The following C1orf232 variants were observed in gnomAD, a reference collection of about 807,000 sequenced individuals.
The protein encoded by C1orf232 is uncharacterized protein C1orf232.
Under a neutral mutation model 12.1 loss-of-function variants are expected in C1orf232, and 10 were observed. The ratio of observed to expected loss-of-function variants is 0.82; its 90% CI spans 0.51 to 1.40. C1orf232 has a LOEUF of 1.40. C1orf232 is among the 40% of genes most tolerant of loss of function. C1orf232 has a pLI of 0.00. For synonymous variants in C1orf232, 36 were observed against 39.8 expected (o/e 0.90, Z 0.36); for missense variants, 88 against 98.4 (o/e 0.89, Z 0.45).
rs563320587 is a variant in C1orf232, at chr1:26,165,582, G to A, written c.266+244C>T. On this transcript the variant is annotated intron_variant, in intron 3 of 3. Coordinates refer to ENST00000634842, the MANE Select transcript of C1orf232 (RefSeq NM_001364669.2). ...GGCCCCTCCCAAGCGGATGGGTCGT[G>A]AGAGCCCATAAATACCTTCTAGCAC... is the stretch of plus-strand genomic sequence containing the variant. The A allele has an allele frequency of 3.2e-4, 182 of 566,496 alleles. 1 individual carries two copies. The highest frequency in any genetic ancestry group is 3.2e-3 in the African/African-American group (163 of 51,708). The allele number at this position is 566,496 out of a possible 1,614,324, so 35.1% of individuals were successfully genotyped here. A position where few individuals can be genotyped will look rare whatever the true frequency, so the allele number is the denominator to read the frequency against.
rs1467710510 is a variant in C1orf232, at chr1:26,164,882, G to A, written c.267-427C>T. 6.6e-6 allele frequency among the ~76,000 whole-genome samples: 1 copy of A among 152,134 alleles called. No individual in the cohort carries two copies. The highest frequency in any genetic ancestry group is 1.5e-5 in the Non-Finnish European group (1 of 68,028). ...AGATCCCCCCTGAGGGAAGCCCTGG[G>A]GAAAAGAGGCGGGGCACAGACAGGA... On this transcript the variant is annotated intron_variant, in intron 3 of 3. Coordinates refer to ENST00000634842, the MANE Select transcript of C1orf232 (RefSeq NM_001364669.2). This position sits in a 1 kb window ranked among gnomAD's most constrained non-coding sequence, Gnocchi z 4.2.
intron 3 of C1orf232, among the ~76,000 whole-genome samples, chr1:26,165,535 C>T (rs991109300): frequency 2.6e-5 from 4 of 152,142 alleles, no homozygotes; most frequent in Admixed American, 6.5e-5. Context: ...AGGTATTCTG[C>T]GTTCTTGGAT....
Position 26,165,825 on chromosome 1 carries a change from C to G in C1orf232, c.266+1G>C. On this transcript the variant is annotated splice_donor_variant, in intron 3 of 3. Coordinates refer to ENST00000634842, the MANE Select transcript of C1orf232 (RefSeq NM_001364669.2). LOFTEE classifies it high-confidence loss of function. Reference sequence around the variant, plus strand: ...ACCACCACAAACACACACGCACATACTGGTCAGCGCAAGGCTCTGATGGCA... The same window carrying G: ...ACCACCACAAACACACACGCACATAGTGGTCAGCGCAAGGCTCTGATGGCA... 8.1e-7 allele frequency: 1 copy of G among 1,231,884 alleles called. No homozygotes were observed. The highest frequency in any genetic ancestry group is 1.0e-6 in the Non-Finnish European group (1 of 988,022). The allele number at this position is 1,231,884 out of a possible 1,614,324, so 76.3% of individuals were successfully genotyped here.
chr1:26,167,577 G>A lies in C1orf232; in HGVS notation c.84+839C>T, dbSNP rs148893297. On this transcript the variant is annotated intron_variant, in intron 1 of 3. Transcript: ENST00000634842. ...TAACCTCAGGTGATCCACCCTCCGT[G>A]GCCTTCCAAAGTGCTAGTATTACAG... is the stretch of plus-strand genomic sequence containing the variant. 1.4e-3 allele frequency among the ~76,000 whole-genome samples: 217 copies of A among 152,240 alleles called. 1 individual carries two copies. The highest frequency in any genetic ancestry group is 4.7e-3 in the African/African-American group (197 of 41,560).
chr1:26,166,939 C>G (rs1206264660), intron 1 of C1orf232, among the ~76,000 whole-genome samples: 1 of 152,226 alleles, frequency 6.6e-6, no homozygotes, highest in Admixed American at 6.5e-5. Flanking sequence ...CTGCAAATGT[C>G]TACACAGAGG....
rs1039181725 is a variant in C1orf232, at chr1:26,168,317, C to G, written c.84+99G>C. ...GAATGTGGCATCTGCACAAATGTGG[C>G]CCCCCCACCTCCAAGCCTATCCTGT... On this transcript the variant is annotated intron_variant, in intron 1 of 3. Coordinates refer to ENST00000634842, the MANE Select transcript of C1orf232 (RefSeq NM_001364669.2). The G allele has an allele frequency of 4.8e-6, 4 of 831,640 alleles. No individual in the cohort carries two copies. In the South Asian group the frequency reaches 1.8e-4, roughly 38 times the overall value. The allele number at this position is 831,640 out of a possible 1,614,324, so 51.5% of individuals were successfully genotyped here.
chr1:26,165,720 C>T (rs2088418020), intron 3 of C1orf232, 106 bp downstream of exon 3: 5 of 1,231,384 alleles, frequency 4.1e-6, no homozygotes, highest in Non-Finnish European at 5.1e-6. Context: ...ACTGCCCCTC[C>T]CCAGCCCTCA....
chr1:26,165,143 C>T (rs1406182937), intron 3 of C1orf232, among the ~76,000 whole-genome samples: 3 of 89,296 alleles, frequency 3.4e-5, no homozygotes, highest in Admixed American at 1.2e-4. Context: ...AACCTGGGGG[C>T]GGGAGAGGCT....
At position 26,164,579 on chromosome 1, in the gene C1orf232, A is replaced by G. The variant is rs2088404954; in HGVS notation, c.267-124T>C. 3.0e-6 allele frequency: 1 copy of G among 337,402 alleles called. No homozygotes were observed. The highest frequency in any genetic ancestry group is 1.5e-4 in the South Asian group (1 of 6,538). The allele number at this position is 337,402 out of a possible 1,614,324, so 20.9% of individuals were successfully genotyped here. A position where few individuals can be genotyped will look rare whatever the true frequency, so the allele number is the denominator to read the frequency against. On this transcript the variant is annotated intron_variant, in intron 3 of 3. Coordinates refer to ENST00000634842, the MANE Select transcript of C1orf232 (RefSeq NM_001364669.2). The surrounding 1 kb of genome is among the most constrained non-coding windows in gnomAD (Gnocchi z 4.2). Reference sequence around the variant, plus strand: ...GGCGGAGTCAGGGGCAGTGGTGAGGAGCGGGGTCAGGTGACCAGTGGGGGA... The same window carrying G: ...GGCGGAGTCAGGGGCAGTGGTGAGGGGCGGGGTCAGGTGACCAGTGGGGGA...
chr1:26,165,778 G>A, intron 3 of C1orf232, 48 bp downstream of exon 3: 1 of 1,231,796 alleles, frequency 8.1e-7, no homozygotes, highest in East Asian at 3.2e-5. Flanking sequence ...AGGCAGAAGG[G>A]GGACCTCAGG....
In C1orf232 at chr1:26,166,018, G is replaced by A. The variant is rs2088422228; in HGVS notation, c.168+17C>T. 3 of 1,231,638 alleles carry A rather than the reference G, an allele frequency of 2.4e-6. No individual in the cohort carries two copies. The highest frequency in any genetic ancestry group is 2.0e-6 in the Non-Finnish European group (2 of 988,002). 76.3% of individuals were successfully genotyped at this position (1,231,638 alleles called of 1,614,324 possible). On this transcript the variant is annotated intron_variant, in intron 2 of 3. Transcript: ENST00000634842. Reference sequence around the variant, plus strand: ...CAGGCTGCCCAGGGTTGGGGTGGAAGAAGGGAGAATACTCACCCGGCGGGC... The same window carrying A: ...CAGGCTGCCCAGGGTTGGGGTGGAAAAAGGGAGAATACTCACCCGGCGGGC...
chr1:26,164,284 G>T lies in C1orf232; in HGVS notation c.438C>A (p.Ala146=). Residue 146 remains alanine (A), a synonymous_variant, in exon 4 of 4, where the codon GCC becomes GCA. Transcript: ENST00000634842. The surrounding 1 kb of genome is among the most constrained non-coding windows in gnomAD (Gnocchi z 4.2). The part of the protein sequence containing the change: ...PEPDPEPADE[A]AEEAAERPES... The stretch of plus-strand genomic sequence containing the variant: ...CGGGGCGCTCTGCGGCCTCCTCCGC[G>T]GCCTCGTCCGCGGGTTCGGGGTCCG... The T allele has an allele frequency of 2.5e-6, 1 of 398,086 alleles. No individual in the cohort carries two copies. The highest frequency in any genetic ancestry group is 4.4e-6 in the Non-Finnish European group (1 of 225,716). 24.7% of individuals were successfully genotyped at this position (398,086 alleles called of 1,614,324 possible).
In C1orf232 at chr1:26,164,254, C is replaced by A. The variant is rs2088398760; in HGVS notation, c.468G>T (p.Ser156=). The change falls in exon 4 of 4, where the codon TCG becomes TCT. Residue 156 remains serine, a synonymous_variant. Transcript: ENST00000634842. The surrounding 1 kb of genome is among the most constrained non-coding windows in gnomAD (Gnocchi z 4.2). ...AAEEAAERPE[S]QEAEPVAGFK... ...AGCCGGCCACCGGCTCGGCCTCCTG[C>A]GACTCGGGGCGCTCTGCGGCCTCCT... 1 of 398,336 alleles carries A rather than the reference C, an allele frequency of 2.5e-6. No homozygotes were observed. The highest frequency in any genetic ancestry group is 2.1e-5 in the African/African-American group (1 of 48,628). 24.7% of individuals were successfully genotyped at this position (398,336 alleles called of 1,614,324 possible). A position where few individuals can be genotyped will look rare whatever the true frequency, so the allele number is the denominator to read the frequency against.
In C1orf232 at chr1:26,165,833, C is replaced by T. The variant is rs1204465205; in HGVS notation, c.259G>A (p.Ala87Thr). The change falls in exon 3 of 4, where the codon GCT becomes ACT. Residue 87 changes from alanine (A) to threonine (T), a missense_variant. Coordinates refer to ENST00000634842, the MANE Select transcript of C1orf232 (RefSeq NM_001364669.2). ...AAACACACACGCACATACTGGTCAG[C>T]GCAAGGCTCTGATGGCAGCAGCTTA... ...EDKLLPSEPC[A>T]DHPLAARPPS... 4.1e-6 allele frequency: 5 copies of T among 1,231,628 alleles called. No homozygotes were observed. In the African/African-American group the frequency reaches 4.7e-5, roughly 11 times the overall value. The allele number at this position is 1,231,628 out of a possible 1,614,324, so 76.3% of individuals were successfully genotyped here.
Position 26,164,346 on chromosome 1 carries a change from C to T in C1orf232, c.376G>A (p.Ala126Thr), listed in dbSNP as rs2088400936. The T allele has an allele frequency of 5.1e-6, 2 of 395,616 alleles. No homozygotes were observed. The highest frequency in any genetic ancestry group is 2.1e-5 in the African/African-American group (1 of 48,468). The allele number at this position is 395,616 out of a possible 1,614,324, so 24.5% of individuals were successfully genotyped here. A position where few individuals can be genotyped will look rare whatever the true frequency, so the allele number is the denominator to read the frequency against. ...GGCTCGGTGCCGCGCAGCATGGACG[C>T]CGCCGCGGCCTGCTGCTGCTGCCAC... ...SRWQQQQAAA[A>T]SMLRGTEPTP... Residue 126 changes from alanine (A) to threonine (T), a missense_variant, in exon 4 of 4, where the codon GCG becomes ACG. Transcript: ENST00000634842. The surrounding 1 kb of genome is among the most constrained non-coding windows in gnomAD (Gnocchi z 4.2).
Position 26,168,451 on chromosome 1 carries a change from G to A in C1orf232, c.49C>T (p.Leu17=), listed in dbSNP as rs2088449370. Residue 17 remains leucine, a synonymous_variant, in exon 1 of 4, where the codon CTG becomes TTG. Coordinates refer to ENST00000634842, the MANE Select transcript of C1orf232 (RefSeq NM_001364669.2). ...KTYKSKVLQT[L]SGESEEDLAE... ...AGGTCTTCTTCAGATTCCCCACTCAGGGTCTGTAGCACTTTGGACTTGTAG... is the reference window on the plus strand; with the variant it reads ...AGGTCTTCTTCAGATTCCCCACTCAAGGTCTGTAGCACTTTGGACTTGTAG... 3 of 1,231,934 alleles carry A rather than the reference G, an allele frequency of 2.4e-6. No individual in the cohort carries two copies. Among genetic ancestry groups the A allele is most frequent in the Non-Finnish European group, 3.0e-6 (3 of 988,098 alleles). 76.3% of individuals were successfully genotyped at this position (1,231,934 alleles called of 1,614,324 possible). A position where few individuals can be genotyped will look rare whatever the true frequency, so the allele number is the denominator to read the frequency against.
chr1:26,167,033 G>A (rs2088434932), intron 1 of C1orf232, among the ~76,000 whole-genome samples: 1 of 152,156 alleles, frequency 6.6e-6, no homozygotes, highest in South Asian at 2.1e-4. Flanking sequence ...GATCACACCA[G>A]TTACCCACTG....
In C1orf232 at chr1:26,168,507, G is replaced by C; in HGVS notation, c.-8C>G. On this transcript the variant is annotated 5_prime_UTR_variant, in exon 1 of 4. Coordinates refer to ENST00000634842, the MANE Select transcript of C1orf232 (RefSeq NM_001364669.2). ...CCAGAAGGCCTGGTTCATGGCTGCA[G>C]GGGGAAGGGGCCTGGCACGCAAGCA... 8.1e-7 allele frequency: 1 copy of C among 1,231,910 alleles called. No individual in the cohort carries two copies. The highest frequency in any genetic ancestry group is 1.0e-6 in the Non-Finnish European group (1 of 988,080). The allele number at this position is 1,231,910 out of a possible 1,614,324, so 76.3% of individuals were successfully genotyped here.
At position 26,168,386 on chromosome 1, in the gene C1orf232, C is replaced by T. The variant is rs767136664; in HGVS notation, c.84+30G>A. 3 of 1,225,502 alleles carry T rather than the reference C, an allele frequency of 2.4e-6. No homozygotes were observed. The African/African-American group carries it at 4.7e-5, about 19-fold the overall frequency. The allele number at this position is 1,225,502 out of a possible 1,614,324, so 75.9% of individuals were successfully genotyped here. ...CATTCCTGCTGCCCCTCTGCACATGCTCCACCCACCATGCATGGATGGCAC... is the reference window on the plus strand; with the variant it reads ...CATTCCTGCTGCCCCTCTGCACATGTTCCACCCACCATGCATGGATGGCAC... On this transcript the variant is annotated intron_variant, in intron 1 of 3. Coordinates refer to ENST00000634842, the MANE Select transcript of C1orf232 (RefSeq NM_001364669.2).
Sources: allele counts gnomAD v4.1 joint callset (sites outside exome capture counted in the v4.1 genomes callset), GRCh38; gene constraint gnomAD v4.1.1; non-coding constraint Gnocchi (gnomAD v3.1); transcripts MANE v1.5; gene names NCBI Gene and HGNC (gene_info 2026-07-23, HGNC 2026-07-21).